The following LRRC73 variants were observed in gnomAD, a reference collection of about 807,000 sequenced individuals.
The protein encoded by LRRC73 is leucine rich repeat containing 73.
In LRRC73, 16 loss-of-function variants were observed where a neutral mutation model predicts 26.4. The observed-to-expected ratio is 0.61, with a 90% CI of 0.41 to 0.92. The LOEUF (loss-of-function observed/expected upper bound fraction) is 0.92. Ranked by LOEUF, LRRC73 falls within the 40% of genes least tolerant of loss-of-function variation. The pLI, the probability that LRRC73 is intolerant of heterozygous loss-of-function variation, is 0.00. For synonymous variants in LRRC73, 210 were observed against 179.8 expected (o/e 1.17, Z -1.34); for missense variants, 344 against 416.3 (o/e 0.83, Z 1.51).
chr6:43,507,779 A>ACCT, intron 4 of LRRC73, 47 bp downstream of exon 4: 1 of 1,598,664 alleles, frequency 6.3e-7, no homozygotes, highest in Non-Finnish European at 8.6e-7. Context: ...ACATAAACTA[A>ACCT]CCTCCACCCC....
At chr6:43,507,834 A>G in exon 4 of LRRC73, 1 of 1,613,724 alleles carries the variant, frequency 6.2e-7, no homozygotes, top group East Asian at 2.2e-5. Flanking sequence ...ACCTGAGCTG[A>G]CTGGTTGGTG....
exon 6 of LRRC73, chr6:43,507,055 A>G: frequency 1.6e-6 from 1 of 639,874 alleles, no homozygotes; most frequent in East Asian, 2.8e-5. Context: ...AGTGCCCCCC[A>G]AGGCTGTTGC....
chr6:43,507,139 C>G (rs1468635957), exon 6 of LRRC73: 2 of 1,314,280 alleles, frequency 1.5e-6, no homozygotes, highest in Non-Finnish European at 2.1e-6. Flanking sequence ...AGCCCCTGAC[C>G]CCAGTTCCCT....
At chr6:43,507,285 T>C (rs1171924029) in exon 6 of LRRC73, 1 of 1,613,848 alleles carries the variant, frequency 6.2e-7, no homozygotes, top group Non-Finnish European at 8.5e-7. Flanking sequence ...CCTGACGTCA[T>C]TAGCACCATC....
chr6:43,509,436 G>A (rs1350386761), intron 1 of LRRC73, 78 bp downstream of exon 1: 60 of 1,489,466 alleles, frequency 4.0e-5, no homozygotes, highest in Non-Finnish European at 5.1e-5. Context: ...TGGAAGGAGT[G>A]TGGAGGAACA....
chr6:43,507,446 G>T lies in LRRC73; in HGVS notation c.880+10C>A. ...CAGACCTGGCTCTGATCAACCCTCT[G>T]GGTTCTTACCGCTGGGGCACATCCA... On this transcript the variant is annotated intron_variant, in intron 5 of 5. Coordinates refer to ENST00000372441, the Ensembl canonical transcript of LRRC73. 1 of 1,612,742 alleles carries T rather than the reference G, an allele frequency of 6.2e-7. No individual in the cohort carries two copies. Among genetic ancestry groups the T allele is most frequent in the South Asian group, 1.1e-5 (1 of 91,072 alleles).
exon 6 of LRRC73, chr6:43,507,130 G>A: frequency 8.5e-7 from 1 of 1,181,016 alleles, no homozygotes; most frequent in Non-Finnish European, 1.2e-6. Flanking sequence ...CCCCCATGCA[G>A]CCCCTGACCC....
chr6:43,507,455 C>G lies in LRRC73; in HGVS notation c.880+1G>C, dbSNP rs1011845351. On this transcript the variant is annotated splice_donor_variant, in intron 5 of 5. Coordinates refer to ENST00000372441, the Ensembl canonical transcript of LRRC73. LOFTEE classifies it high-confidence loss of function. The stretch of plus-strand genomic sequence containing the variant: ...CTCTGATCAACCCTCTGGGTTCTTA[C>G]CGCTGGGGCACATCCAGGAGCTGCT... The G allele has an allele frequency of 1.2e-6, 2 of 1,612,868 alleles. No individual in the cohort carries two copies. Among genetic ancestry groups the G allele is most frequent in the Non-Finnish European group, 1.7e-6 (2 of 1,179,936 alleles).
chr6:43,509,673 C>G (rs765354774), exon 1 of LRRC73: 1 of 1,592,862 alleles, frequency 6.3e-7, no homozygotes, highest in African/African-American at 1.3e-5. Context: ...GCAGAGGCGG[C>G]AGCCGCGCAG....
intron 3 of LRRC73, 124 bp downstream of exon 3, chr6:43,508,174 C>T: frequency 2.2e-6 from 3 of 1,381,562 alleles, no homozygotes; most frequent in Non-Finnish European, 2.9e-6. Context: ...ATCTCCTTGA[C>T]CCCTGGGGGC....
exon 1 of LRRC73, chr6:43,509,577 C>A: frequency 6.2e-7 from 1 of 1,609,104 alleles, no homozygotes; most frequent in Non-Finnish European, 8.5e-7. Context: ...GCGGCTGGGG[C>A]TGGACACGAC....
exon 1 of LRRC73, chr6:43,509,568 C>A (rs1044589764): frequency 5.0e-6 from 8 of 1,609,558 alleles, no homozygotes; most frequent in Non-Finnish European, 6.8e-6. Context: ...CTGCTTGATG[C>A]GGCTGGGGCT....
rs751688200 is a variant in LRRC73, at chr6:43,507,441, C to G, written c.880+15G>C. The G allele has an allele frequency of 1.9e-6, 3 of 1,612,802 alleles. No homozygotes were observed. In the Admixed American group the frequency reaches 5.0e-5, roughly 27 times the overall value. On this transcript the variant is annotated intron_variant, in intron 5 of 5. Transcript: ENST00000372441. The stretch of plus-strand genomic sequence containing the variant: ...TCTTCCAGACCTGGCTCTGATCAAC[C>G]CTCTGGGTTCTTACCGCTGGGGCAC...
chr6:43,508,565 G>A, intron 2 of LRRC73, 145 bp from the exon 3 acceptor site: 1 of 1,413,098 alleles, frequency 7.1e-7, no homozygotes, highest in South Asian at 1.3e-5. Flanking sequence ...CATTAAGGAG[G>A]CCCATGCTTC....
exon 1 of LRRC73, chr6:43,509,833 T>TGGGGCCGCGGGC (rs1473243319): frequency 1.4e-6 from 2 of 1,420,522 alleles, no homozygotes; most frequent in East Asian, 5.5e-5. Flanking sequence ...CGGAGGTTGG[T>TGGGGCCGCGGGC]GGGGCCGCGG....
At chr6:43,510,143 T>G in exon 1 of LRRC73, 3 of 180,602 alleles carry the variant, frequency 1.7e-5, no homozygotes, top group Non-Finnish European at 2.3e-5. Context: ...CTTGTCCTTG[T>G]CCCTCGCGGT....
rs73426732 is a variant in LRRC73 at position 43,508,487 on chromosome 6, A to T, written c.434-67T>A. The T allele has an allele frequency of 1.1e-3, 1,817 of 1,603,612 alleles. 19 individuals are homozygous for T. The African/African-American group carries it at 0.02, about 17-fold the overall frequency. ...AGCCCTCCTCCAGCCCTTCCCCACAATCCCTGTGTCTCTGGGGTGTCCCTA... is the reference window on the plus strand; with the variant it reads ...AGCCCTCCTCCAGCCCTTCCCCACATTCCCTGTGTCTCTGGGGTGTCCCTA... On this transcript the variant is annotated intron_variant, in intron 2 of 5. Coordinates refer to ENST00000372441, the Ensembl canonical transcript of LRRC73.
intron 1 of LRRC73, among the ~76,000 whole-genome samples, 177 bp downstream of exon 1, chr6:43,509,337 A>C (rs1336862135): frequency 6.6e-6 from 1 of 152,230 alleles, no homozygotes; most frequent in African/African-American, 2.4e-5. Context: ...TCGCGCGTGC[A>C]AAGTCCAAGC....
At chr6:43,508,243 C>T in intron 3 of LRRC73, 55 bp downstream of exon 3, 1 of 1,555,990 alleles carries the variant, frequency 6.4e-7, no homozygotes. Context: ...TGGTCCCAGG[C>T]TCTTGGATAG....
Sources: allele counts gnomAD v4.1 joint callset (sites outside exome capture counted in the v4.1 genomes callset), GRCh38; gene constraint gnomAD v4.1.1; transcripts MANE v1.5; gene names NCBI Gene and HGNC (gene_info 2026-07-23, HGNC 2026-07-21).